SOX5: variants seen among roughly 807,000 people sequenced by gnomAD.
SOX5 encodes the protein transcription factor SOX-5.
SOX5 carries 9 observed loss-of-function variants against 92.0 expected under a neutral mutation model. The observed-to-expected ratio is 0.10, with a 90% confidence interval of 0.06 to 0.17. The LOEUF (loss-of-function observed/expected upper bound fraction) is 0.17. Ranked by LOEUF, SOX5 falls within the 10% of genes least tolerant of loss-of-function variation. The pLI, the probability that SOX5 is intolerant of heterozygous loss-of-function variation, is 1.00. For synonymous variants in SOX5, 344 were observed against 336.3 expected (o/e 1.02, Z -0.25); for missense variants, 642 against 944.5 (o/e 0.68, Z 4.20).
At chr12:24,018,017 T>C (rs1296093537) in intron 4 of SOX5, among the ~76,000 whole-genome samples, 1 of 152,148 alleles carries the variant, frequency 6.6e-6, no homozygotes, top group African/African-American at 2.4e-5. Context: ...TTCCCAAACC[T>C]TCTTATATCT....
rs900738178 is a variant in SOX5, at chr12:23,766,917, G to A, written c.482-11193C>T. ...AGATTTTGCATAACTCTTAAATAAG[G>A]GATTATAAATCATGTAACCACATAT... On this transcript the variant is annotated intron_variant, in intron 3 of 14. Transcript: ENST00000451604. Among the ~76,000 whole-genome samples, 4 of 151,996 alleles carry A rather than the reference G, an allele frequency of 2.6e-5. No homozygotes were observed. In the East Asian group the frequency reaches 7.7e-4, roughly 29 times the overall value.
At chr12:23,767,881 C>T (rs1355059886) in intron 3 of SOX5, among the ~76,000 whole-genome samples, 1 of 151,584 alleles carries the variant, frequency 6.6e-6, no homozygotes, top group Admixed American at 6.6e-5. Context: ...ATTTATATCA[C>T]CTAAATCTTT....
chr12:24,112,464 A>G (rs952392362), intron 4 of SOX5, among the ~76,000 whole-genome samples: 7 of 151,128 alleles, frequency 4.6e-5, no homozygotes, highest in East Asian at 1.9e-4. Flanking sequence ...GAGAGCATCA[A>G]GTAGAGAACA....
At chr12:24,289,515 G>A (rs1320616497) in intron 2 of SOX5, among the ~76,000 whole-genome samples, 4 of 118,600 alleles carry the variant, frequency 3.4e-5, no homozygotes, top group Non-Finnish European at 6.4e-5. Flanking sequence ...GTGCAGTGGC[G>A]GGATCTCGGC....
At chr12:23,655,651 C>G (rs2082214875) in intron 7 of SOX5, among the ~76,000 whole-genome samples, 1 of 152,084 alleles carries the variant, frequency 6.6e-6, no homozygotes, top group African/African-American at 2.4e-5. Context: ...CGTATACCTC[C>G]TGAGTGTATC....
intron 4 of SOX5, among the ~76,000 whole-genome samples, chr12:24,005,334 T>C (rs763453640): frequency 6.6e-6 from 1 of 152,184 alleles, no homozygotes; most frequent in Non-Finnish European, 1.5e-5. Flanking sequence ...ATCTATAATA[T>C]AGAGCATATT....
At chr12:23,749,000 G>A (rs2094097454) in intron 4 of SOX5, among the ~76,000 whole-genome samples, 1 of 151,750 alleles carries the variant, frequency 6.6e-6, no homozygotes, top group Non-Finnish European at 1.5e-5. Context: ...AAAATAACAT[G>A]AATAAAAACT....
At position 23,668,672 on chromosome 12, in the gene SOX5, T is replaced by C. The variant is rs78545352; in HGVS notation, c.811-3108A>G. On this transcript the variant is annotated intron_variant, in intron 6 of 14. Coordinates refer to ENST00000451604, the MANE Select transcript of SOX5 (RefSeq NM_006940.6). ...TCATTAAAGTTGAAAATGTGTGACA[T>C]TTATTAAGTTTCAACAAAATACTTC... Among the ~76,000 whole-genome samples the C allele has an allele frequency of 5.0e-4, 76 of 152,282 alleles. No homozygotes were observed. In the East Asian group the frequency reaches 0.014, roughly 29 times the overall value.
chr12:24,546,288 G>A (rs1368461990), intron 1 of SOX5, among the ~76,000 whole-genome samples: 1 of 152,154 alleles, frequency 6.6e-6, no homozygotes, highest in African/African-American at 2.4e-5. Context: ...TTTAACTGCT[G>A]ACTTCAGGAG....
At chr12:23,960,711 G>A (rs1451074481) in intron 4 of SOX5, among the ~76,000 whole-genome samples, 10 of 150,892 alleles carry the variant, frequency 6.6e-5, no homozygotes, top group Non-Finnish European at 1.0e-4. Context: ...TATATTAAGC[G>A]AAAAAAACAA....
At chr12:23,860,968 A>AC (rs1555390735) in intron 2 of SOX5, among the ~76,000 whole-genome samples, 2,160 of 125,882 alleles carry the variant, frequency 0.017, 55 homozygotes, top group Non-Finnish European at 0.019. Flanking sequence ...AAAAAAAAAA[A>AC]AAAAAAAAAA....
chr12:24,325,052 CATG>C (rs1595589091), intron 2 of SOX5, among the ~76,000 whole-genome samples: 1 of 151,718 alleles, frequency 6.6e-6, no homozygotes, highest in East Asian at 1.9e-4. Flanking sequence ...GAATAAAAGG[CATG>C]ATAATTCCAG....
At chr12:24,310,690 G>A (rs1245329675) in intron 2 of SOX5, among the ~76,000 whole-genome samples, 4 of 152,112 alleles carry the variant, frequency 2.6e-5, no homozygotes, top group Non-Finnish European at 4.4e-5. Flanking sequence ...AAATGGTGAC[G>A]TGATAGAGAG....
intron 3 of SOX5, among the ~76,000 whole-genome samples, chr12:23,778,845 G>T (rs1443283465): frequency 6.6e-6 from 1 of 152,196 alleles, no homozygotes; most frequent in Non-Finnish European, 1.5e-5. Flanking sequence ...TAAATGGCTT[G>T]TGAAGGCAAG....
chr12:23,656,985 A>T (rs11047029), intron 7 of SOX5, among the ~76,000 whole-genome samples: 5,382 of 152,188 alleles, frequency 0.035, 167 homozygotes, highest in African/African-American at 0.078. Context: ...TATGAAGGGT[A>T]TTATGAGCTG....
chr12:23,799,155 T>C lies in SOX5; in HGVS notation c.482-43431A>G, dbSNP rs781614268. The stretch of plus-strand genomic sequence containing the variant: ...TTTTGGTGATATCAGCCATTTTATA[T>C]TGTTTTCTTCCAGTAGATAAAGGTT... On this transcript the variant is annotated intron_variant, in intron 3 of 14. Transcript: ENST00000451604. Among the ~76,000 whole-genome samples, 78 of 152,010 alleles carry C rather than the reference T, an allele frequency of 5.1e-4. 1 individual carries two copies. The highest frequency in any genetic ancestry group is 1.3e-4 in the Non-Finnish European group (9 of 67,916).
chr12:23,737,760 A>G (rs1008695402), intron 5 of SOX5, among the ~76,000 whole-genome samples: 1 of 152,024 alleles, frequency 6.6e-6, no homozygotes, highest in African/African-American at 2.4e-5. Context: ...CTGCCTCCCA[A>G]GGATATTCCT....
intron 11 of SOX5, among the ~76,000 whole-genome samples, chr12:23,547,980 T>C (rs1026447594): frequency 6.6e-6 from 1 of 152,016 alleles, no homozygotes; most frequent in Admixed American, 6.6e-5. Flanking sequence ...TTACAGTAAA[T>C]GTAGCTGTTA....
chr12:24,136,566 A>T (rs529595301), intron 4 of SOX5, among the ~76,000 whole-genome samples: 11 of 152,326 alleles, frequency 7.2e-5, no homozygotes, highest in Admixed American at 4.6e-4. Flanking sequence ...TGATGACTAA[A>T]CTAAATTAAT....
Sources: allele counts gnomAD v4.1 joint callset (sites outside exome capture counted in the v4.1 genomes callset), GRCh38; gene constraint gnomAD v4.1.1; transcripts MANE v1.5; gene names NCBI Gene and HGNC (gene_info 2026-07-23, HGNC 2026-07-21).